The following LRRK2 variants were observed in gnomAD, a reference collection of about 807,000 sequenced individuals.
LRRK2 encodes leucine rich repeat kinase 2, also known as leucine-rich repeat serine/threonine-protein kinase 2.
A neutral mutation model predicts 302.6 loss-of-function variants in LRRK2; 203 were observed. The observed-to-expected ratio is 0.67, with a 90% CI of 0.60 to 0.75. The LOEUF (loss-of-function observed/expected upper bound fraction) is 0.75, where lower values mean the gene tolerates loss of function less well. LRRK2 is among the 30% of genes least tolerant of loss of function. LRRK2 has a pLI of 0.00. For synonymous variants in LRRK2, 1,066 were observed against 1,031.9 expected, an observed-to-expected ratio of 1.03 and a Z score of -0.63; for missense variants, 2,830 against 2,951.0, an observed-to-expected ratio of 0.96 and a Z score of 0.95.
At position 40,253,000 on chromosome 12, in the gene LRRK2, T is replaced by G. The variant is rs1384238623; in HGVS notation, c.1272T>G (p.Thr424=). 6.2e-7 allele frequency: 1 copy of G among 1,611,224 alleles called. No individual in the cohort carries two copies. Among genetic ancestry groups the G allele is most frequent in the South Asian group, 1.1e-5 (1 of 91,024 alleles). ...VFQASANALS[T]LLEQNVNFRK... ...AGGCATCTGCGAATGCATTGTCAAC[T>G]CTCTTAGAACAAAATGGTAAGCAGT... is the stretch of plus-strand genomic sequence containing the variant. Residue 424 remains threonine (T), a synonymous_variant, in exon 11 of 51, where the codon ACT becomes ACG. Transcript: ENST00000298910.
chr12:40,307,213 A>C (rs1944855494), intron 28 of LRRK2, among the ~76,000 whole-genome samples: 1 of 151,970 alleles, frequency 6.6e-6, no homozygotes, highest in Admixed American at 6.6e-5. Context: ...TAAATCAAGA[A>C]AGGTAATGTT....
At chr12:40,235,548 T>A in intron 3 of LRRK2, 78 bp from the exon 4 acceptor site, 2 of 918,650 alleles carry the variant, frequency 2.2e-6, no homozygotes, top group Non-Finnish European at 3.6e-6. Context: ...AAAAAATAGG[T>A]GAGCAAAAAA....
At chr12:40,242,736 C>A (rs1264828634) in intron 6 of LRRK2, among the ~76,000 whole-genome samples, 1 of 142,500 alleles carries the variant, frequency 7.0e-6, no homozygotes, top group African/African-American at 2.6e-5. Context: ...AAGAAATAGA[C>A]CCTCCACAAT....
chr12:40,356,022 A>G, intron 45 of LRRK2, 93 bp from the exon 46 acceptor site: 1 of 763,272 alleles, frequency 1.3e-6, no homozygotes, highest in Non-Finnish European at 2.2e-6. Flanking sequence ...TGAGAAGTCT[A>G]TCTAAAGTTT....
intron 33 of LRRK2, 119 bp from the exon 34 acceptor site, chr12:40,319,869 C>T: frequency 1.0e-6 from 1 of 984,708 alleles, no homozygotes; most frequent in East Asian, 2.5e-5. Flanking sequence ...CTGTGTTGCA[C>T]TTGAAAACAC....
intron 29 of LRRK2, 42 bp from the exon 30 acceptor site, chr12:40,309,064 C>A: frequency 6.2e-7 from 1 of 1,605,526 alleles, no homozygotes; most frequent in Non-Finnish European, 8.5e-7. Context: ...TCTTGCCTGT[C>A]GTTTGAAAGA....
intron 49 of LRRK2, 44 bp downstream of exon 49, chr12:40,365,094 T>C (rs201709196): frequency 9.1e-6 from 14 of 1,531,744 alleles, no homozygotes; most frequent in Non-Finnish European, 1.3e-5. Flanking sequence ...CTCTAAGTCT[T>C]ATAAAATATG....
chr12:40,333,156 C>A (rs561604796), intron 39 of LRRK2, among the ~76,000 whole-genome samples: 1 of 152,236 alleles, frequency 6.6e-6, no homozygotes, highest in South Asian at 2.1e-4. Context: ...ACAAGCAGAG[C>A]TAACTTAACT....
chr12:40,337,434 C>T (rs1945906630), intron 40 of LRRK2, among the ~76,000 whole-genome samples: 1 of 152,118 alleles, frequency 6.6e-6, no homozygotes, highest in South Asian at 2.1e-4. Context: ...GTTTCAATAT[C>T]TTCAAAATGG....
intron 39 of LRRK2, among the ~76,000 whole-genome samples, chr12:40,329,291 C>A (rs527483722): frequency 7.8e-4 from 119 of 152,248 alleles, no homozygotes; most frequent in African/African-American, 2.8e-3. Context: ...GAATGATTTT[C>A]AAAACTTTTG....
intron 13 of LRRK2, among the ~76,000 whole-genome samples, chr12:40,262,624 T>C (rs1942825495): frequency 6.6e-6 from 1 of 152,132 alleles, no homozygotes; most frequent in South Asian, 2.1e-4. Context: ...AGAAAGGAAA[T>C]TATATCCATT....
In LRRK2 at chr12:40,314,076, A is replaced by C; in HGVS notation, c.4641A>C (p.Val1547=). 6.2e-7 allele frequency: 1 copy of C among 1,612,710 alleles called. No homozygotes were observed. The highest frequency in any genetic ancestry group is 8.5e-7 in the Non-Finnish European group (1 of 1,179,004). Residue 1547 remains valine, a synonymous_variant, in exon 32 of 51, where the codon GTA becomes GTC. Coordinates refer to ENST00000298910, the MANE Select transcript of LRRK2 (RefSeq NM_198578.4). ...ERKNVPIEFP[V]IDRKRLLQLV... Reference sequence around the variant, plus strand: ...AAAATGTGCCAATTGAATTTCCCGTAATTGACCGGAAACGATTATTACAAC... The same window carrying C: ...AAAATGTGCCAATTGAATTTCCCGTCATTGACCGGAAACGATTATTACAAC...
rs1309462310 is a variant in LRRK2, at chr12:40,322,347, C to T, written c.5346C>T (p.Asp1782=). 6.8e-6 allele frequency: 11 copies of T among 1,613,368 alleles called. No individual in the cohort carries two copies. The highest frequency in any genetic ancestry group is 1.7e-5 in the Admixed American group (1 of 59,934). The change falls in exon 37 of 51, where the codon GAC becomes GAT. Residue 1782 remains aspartate (D), a synonymous_variant. Coordinates refer to ENST00000298910, the MANE Select transcript of LRRK2 (RefSeq NM_198578.4). The part of the protein sequence containing the change: ...KGCILLGQVV[D]HIDSLMEEWF... ...GTATTCTTTTGGGCCAAGTTGTGGA[C>T]CACATTGATTCTCTCATGGAAGAAT...
Position 40,309,571 on chromosome 12 carries a change from A to T in LRRK2, c.4317+338A>T, listed in dbSNP as rs17519999. ...ATTTAAAATAAGCTATATTAAAGAA[A>T]AGCAATCTATATATATATATCTCAT... On this transcript the variant is annotated intron_variant, in intron 30 of 50. Coordinates refer to ENST00000298910, the MANE Select transcript of LRRK2 (RefSeq NM_198578.4). 5.1e-3 allele frequency among the ~76,000 whole-genome samples: 777 copies of T among 152,238 alleles called. 9 individuals are homozygous for T. The highest frequency in any genetic ancestry group is 0.018 in the African/African-American group (741 of 41,532).
At position 40,354,368 on chromosome 12, in the gene LRRK2, G is replaced by A; in HGVS notation, c.6646G>A (p.Val2216Met). The change falls in exon 45 of 51, where the codon GTG becomes ATG. Residue 2216 changes from valine to methionine, a missense_variant. Around this residue, in one of 3 missense-constraint regions of LRRK2, gnomAD observed 456 missense variants for 456.3 expected, o/e 1.00. Transcript: ENST00000298910. ...HLPVEKESWI[V>M]SGTQSGTLLV... ...TCCTGTTGAAAAGGAAAGCTGGATT[G>A]TGTCTGGGACACAGTCTGGTACTCT... 1 of 1,614,118 alleles carries A rather than the reference G, an allele frequency of 6.2e-7. No homozygotes were observed. The highest frequency in any genetic ancestry group is 8.5e-7 in the Non-Finnish European group (1 of 1,180,004).
intron 50 of LRRK2, chr12:40,367,432 T>C (rs1946912524): frequency 2.3e-6 from 1 of 428,514 alleles, no homozygotes; most frequent in South Asian, 4.7e-5. Flanking sequence ...TAAATGTTGA[T>C]ACTCTATTTG....
chr12:40,281,927 A>G (rs972999783), intron 18 of LRRK2, among the ~76,000 whole-genome samples: 3 of 152,178 alleles, frequency 2.0e-5, no homozygotes, highest in African/African-American at 7.2e-5. Context: ...AGTACAAAGT[A>G]AGGAGTGAAT....
intron 39 of LRRK2, among the ~76,000 whole-genome samples, chr12:40,329,666 A>G (rs1386835107): frequency 6.6e-6 from 1 of 152,082 alleles, no homozygotes; most frequent in Non-Finnish European, 1.5e-5. Flanking sequence ...TGGATTCTCT[A>G]TTGTTATGTA....
chr12:40,335,559 A>C (rs1223995720), intron 40 of LRRK2, among the ~76,000 whole-genome samples: 1 of 152,162 alleles, frequency 6.6e-6, no homozygotes, highest in Non-Finnish European at 1.5e-5. Context: ...CGGCATGACC[A>C]TCTCACATGT....
Sources: allele counts gnomAD v4.1 joint callset (sites outside exome capture counted in the v4.1 genomes callset), GRCh38; gene constraint gnomAD v4.1.1; regional missense constraint gnomAD v4.1.1; transcripts MANE v1.5; gene names NCBI Gene and HGNC (gene_info 2026-07-23, HGNC 2026-07-21).